DAPK1: variants seen among roughly 807,000 people sequenced by gnomAD.
DAPK1 encodes the protein death-associated protein kinase 1.
DAPK1 carries 56 observed loss-of-function variants against 144.9 expected under a neutral mutation model. The ratio of observed to expected loss-of-function variants is 0.39; its 90% CI spans 0.31 to 0.48. The LOEUF is 0.48. DAPK1 is among the 20% of genes least tolerant of loss of function. The pLI, the probability that DAPK1 is intolerant of heterozygous loss-of-function variation, is 0.95. For synonymous variants in DAPK1, 690 were observed against 749.0 expected, an observed-to-expected ratio of 0.92 and a Z score of 1.29; for missense variants, 1,454 against 1,875.4, an observed-to-expected ratio of 0.78 and a Z score of 4.15.
intron 19 of DAPK1, among the ~76,000 whole-genome samples, chr9:87,679,922 C>T (rs1824544141): frequency 6.6e-6 from 1 of 152,144 alleles, no homozygotes; most frequent in African/African-American, 2.4e-5. Flanking sequence ...GGGACAGATG[C>T]TCTTGCTGGT....
At chr9:87,537,240 C>A (rs915563640) in intron 2 of DAPK1, among the ~76,000 whole-genome samples, 2 of 152,338 alleles carry the variant, frequency 1.3e-5, no homozygotes, top group South Asian at 2.1e-4. Flanking sequence ...CCTGCCTTGG[C>A]CTCCCAAAGT....
intron 4 of DAPK1, among the ~76,000 whole-genome samples, chr9:87,638,417 T>C (rs1417353656): frequency 6.6e-6 from 1 of 152,208 alleles, no homozygotes; most frequent in African/African-American, 2.4e-5. Flanking sequence ...GCTCTGGGCA[T>C]GTTAAGATAG....
Position 87,666,481 on chromosome 9 carries a change from T to TTG in DAPK1, c.1924-2115_1924-2114insGT, listed in dbSNP as rs1554701068. Among the ~76,000 whole-genome samples, 746 of 150,702 alleles carry TTG rather than the reference T, an allele frequency of 5.0e-3. 9 individuals carry two copies. Among genetic ancestry groups the TTG allele is most frequent in the African/African-American group, 0.017 (679 of 41,116 alleles). On this transcript the variant is annotated intron_variant, in intron 18 of 25. Transcript: ENST00000408954. ...TATATATATGTTTTTGTTTTTGTTT[T>TTG]TTTTTTTTTTGAGATGGAGTCTCAT...
intron 2 of DAPK1, among the ~76,000 whole-genome samples, chr9:87,521,051 A>G (rs1825280392): frequency 6.6e-6 from 1 of 152,210 alleles, no homozygotes; most frequent in Non-Finnish European, 1.5e-5. Flanking sequence ...TAAATCTAAT[A>G]TGTGATCTAC....
intron 2 of DAPK1, among the ~76,000 whole-genome samples, chr9:87,572,120 G>A (rs1354814874): frequency 6.6e-6 from 1 of 152,212 alleles, no homozygotes; most frequent in African/African-American, 2.4e-5. Context: ...TTGAGTTTTG[G>A]TAAATCTAGA....
chr9:87,676,021 C>G (rs912132784), intron 19 of DAPK1, among the ~76,000 whole-genome samples: 1 of 152,086 alleles, frequency 6.6e-6, no homozygotes, highest in Admixed American at 6.5e-5. Flanking sequence ...CCCTGGATGC[C>G]CCAGGTCTCC....
rs183822080 is a variant in DAPK1, at chr9:87,571,794, C to T, written c.63-33160C>T. The stretch of plus-strand genomic sequence containing the variant: ...GTTTTGGGGGATACCCTTGATTATT[C>T]TCTCACACAAAGGTGGTGCCTCTGT... On this transcript the variant is annotated intron_variant, in intron 2 of 25. Transcript: ENST00000408954. Among the ~76,000 whole-genome samples, 431 of 152,292 alleles carry T rather than the reference C, an allele frequency of 2.8e-3. 4 individuals carry two copies. The highest frequency in any genetic ancestry group is 0.01 in the African/African-American group (422 of 41,564).
At chr9:87,602,992 T>G (rs1049530204) in intron 2 of DAPK1, among the ~76,000 whole-genome samples, 6 of 151,874 alleles carry the variant, frequency 4.0e-5, no homozygotes, top group Non-Finnish European at 8.8e-5. Context: ...TTGAAACTAC[T>G]GAGTGTGCCT....
At chr9:87,536,227 G>A (rs2118413508) in intron 2 of DAPK1, among the ~76,000 whole-genome samples, 1 of 152,304 alleles carries the variant, frequency 6.6e-6, no homozygotes, top group South Asian at 2.1e-4. Flanking sequence ...AGTGTGAGAT[G>A]TCTGGGTTTT....
At chr9:87,602,396 C>G (rs1373288149) in intron 2 of DAPK1, among the ~76,000 whole-genome samples, 1 of 152,166 alleles carries the variant, frequency 6.6e-6, no homozygotes, top group Non-Finnish European at 1.5e-5. Context: ...CCAGGTTTTG[C>G]TGTAAACGAA....
chr9:87,637,948 C>T lies in DAPK1; in HGVS notation c.290C>T (p.Ala97Val), dbSNP rs768693745. 3 of 1,613,472 alleles carry T rather than the reference C, an allele frequency of 1.9e-6. No homozygotes were observed. In the South Asian group the frequency reaches 3.3e-5, roughly 18 times the overall value. Residue 97 changes from alanine to valine, a missense_variant, in exon 4 of 26, where the codon GCA (alanine) becomes GTA (valine). Ala to Val is a moderately conservative substitution (Grantham distance 64, BLOSUM62 0). Coordinates refer to ENST00000408954, the MANE Select transcript of DAPK1 (RefSeq NM_004938.4). ...CTCTGCTTCCGGGTTCTCAGCGTTG[C>T]AGGTGGCGAGCTGTTTGACTTCTTA... ...TDVILILELV[A>V]GGELFDFLAE...
At chr9:87,672,344 G>A (rs1587832582) in intron 19 of DAPK1, among the ~76,000 whole-genome samples, 1 of 152,256 alleles carries the variant, frequency 6.6e-6, no homozygotes, top group East Asian at 1.9e-4. Flanking sequence ...CAGGAAACCT[G>A]GATTCAAAGA....
intron 2 of DAPK1, among the ~76,000 whole-genome samples, chr9:87,503,191 A>G (rs1254690508): frequency 6.6e-6 from 1 of 152,024 alleles, no homozygotes; most frequent in Non-Finnish European, 1.5e-5. Context: ...TTTACTGAAC[A>G]CCTACTAAGT....
At chr9:87,655,931 A>C (rs1830613811) in intron 17 of DAPK1, among the ~76,000 whole-genome samples, 1 of 152,236 alleles carries the variant, frequency 6.6e-6, no homozygotes, top group Non-Finnish European at 1.5e-5. Context: ...CACTGTGCCC[A>C]GCGCAGAGGG....
chr9:87,626,639 A>G (rs1428422290), intron 3 of DAPK1, among the ~76,000 whole-genome samples: 3 of 152,208 alleles, frequency 2.0e-5, no homozygotes, highest in African/African-American at 7.2e-5. Context: ...ACAGGGAATC[A>G]TTGCCTTCTA....
intron 19 of DAPK1, among the ~76,000 whole-genome samples, chr9:87,673,779 C>T (rs986636643): frequency 3.3e-5 from 5 of 152,212 alleles, no homozygotes; most frequent in Non-Finnish European, 5.9e-5. Flanking sequence ...ATTTGCACCA[C>T]AGGAATCAGC....
At chr9:87,666,909 C>T (rs1000478534) in intron 18 of DAPK1, among the ~76,000 whole-genome samples, 18 of 152,172 alleles carry the variant, frequency 1.2e-4, no homozygotes, top group African/African-American at 4.1e-4. Context: ...CCTGTTCAGA[C>T]GTGTCGGGGG....
intron 13 of DAPK1, 49 bp from the exon 14 acceptor site, chr9:87,647,256 G>T: frequency 1.4e-6 from 2 of 1,439,834 alleles, no homozygotes; most frequent in Non-Finnish European, 2.0e-6. Context: ...GCATGCATCT[G>T]GTGCTGTCAG....
Position 87,647,405 on chromosome 9 carries a change from TA to T in DAPK1, c.1329+4del, listed in dbSNP as rs781653889. On this transcript the variant is annotated splice_donor_region_variant and intron_variant, in intron 14 of 25. Coordinates refer to ENST00000408954, the MANE Select transcript of DAPK1 (RefSeq NM_004938.4). ...TGCCCTTTGGATGTGAAAGACAAGG[TA>T]AGGCCACTTCTCTTAGGAGGAACAT... 7.3e-5 allele frequency: 118 copies of T among 1,612,934 alleles called. No homozygotes were observed. Among genetic ancestry groups the T allele is most frequent in the Non-Finnish European group, 9.8e-5 (115 of 1,179,060 alleles).
Sources: gnomAD v4.1 joint callset for allele counts (sites outside exome capture counted in the v4.1 genomes callset) on GRCh38, gnomAD v4.1.1 for gene constraint, MANE v1.5 for transcripts, NCBI Gene and HGNC (gene_info 2026-07-23, HGNC 2026-07-21) for gene names.